The following ATP8B4 variants were observed in gnomAD, a reference collection of about 807,000 sequenced individuals.
The protein encoded by ATP8B4 is ATPase phospholipid transporting 8B4 (putative).
A neutral mutation model predicts 145.6 loss-of-function variants in ATP8B4; 133 were observed. The ratio of observed to expected loss-of-function variants is 0.91; its 90% confidence interval spans 0.79 to 1.05. ATP8B4 has a LOEUF of 1.05. Ranked by LOEUF, ATP8B4 falls within the 50% of genes least tolerant of loss-of-function variation. The pLI, the probability that ATP8B4 is intolerant of heterozygous loss-of-function variation, is 0.00. For synonymous variants in ATP8B4, 507 were observed against 492.9 expected (o/e 1.03, Z -0.38); for missense variants, 1,458 against 1,425.2 (o/e 1.02, Z -0.37).
chr15:49,937,033 C>T (rs1040517440), intron 14 of ATP8B4, among the ~76,000 whole-genome samples: 7 of 151,736 alleles, frequency 4.6e-5, no homozygotes, highest in Non-Finnish European at 1.0e-4. Flanking sequence ...TGCTGATGTT[C>T]GAGTTTTCCA....
At chr15:50,031,568 GTT>G (rs11301413) in intron 6 of ATP8B4, among the ~76,000 whole-genome samples, 5,522 of 151,750 alleles carry the variant, frequency 0.036, 355 homozygotes, top group African/African-American at 0.13. Flanking sequence ...TGATCTTTGG[GTT>G]TTTTTTTGTT....
At chr15:50,100,174 C>T (rs1015268526) in intron 2 of ATP8B4, among the ~76,000 whole-genome samples, 2 of 152,216 alleles carry the variant, frequency 1.3e-5, no homozygotes, top group African/African-American at 2.4e-5. Flanking sequence ...CATCAATGTC[C>T]TATGCTTCCC....
intron 14 of ATP8B4, among the ~76,000 whole-genome samples, chr15:49,946,742 A>C (rs1599337204): frequency 6.6e-6 from 1 of 151,986 alleles, no homozygotes; most frequent in Non-Finnish European, 1.5e-5. Context: ...ATTTCTTATC[A>C]TGGTGGTGTA....
intron 8 of ATP8B4, 138 bp from the exon 9 acceptor site, chr15:49,996,897 CTTCGCTCACTG>C: frequency 1.6e-6 from 1 of 610,108 alleles, no homozygotes; most frequent in Non-Finnish European, 2.9e-6. Flanking sequence ...GTCATTCACA[CTTCGCTCACTG>C]TTTCAGGAAA....
At chr15:49,879,568 G>T in intron 23 of ATP8B4, 109 bp from the exon 24 acceptor site, 1 of 877,896 alleles carries the variant, frequency 1.1e-6, no homozygotes, top group Non-Finnish European at 1.7e-6. Context: ...GTTGACTTTT[G>T]GAATCAGACA....
At chr15:50,176,609 A>T (rs1278775633) in intron 1 of ATP8B4, among the ~76,000 whole-genome samples, 3 of 152,184 alleles carry the variant, frequency 2.0e-5, no homozygotes, top group Non-Finnish European at 4.4e-5. Context: ...GATGGAGAGT[A>T]TGTGTGTTGC....
chr15:49,878,510 T>A (rs1224630499), intron 24 of ATP8B4, among the ~76,000 whole-genome samples: 2 of 152,204 alleles, frequency 1.3e-5, no homozygotes, highest in Admixed American at 6.5e-5. Flanking sequence ...AAATGTGGTC[T>A]CCTTAAAAAT....
intron 17 of ATP8B4, among the ~76,000 whole-genome samples, 185 bp from the exon 18 acceptor site, chr15:49,920,595 G>A (rs781332324): frequency 7.9e-5 from 12 of 152,194 alleles, no homozygotes; most frequent in East Asian, 3.9e-4. Context: ...TGTGTTTTCC[G>A]TTTTATTTCT....
Position 49,862,417 on chromosome 15 carries a change from G to A in ATP8B4, c.3167-42C>T, listed in dbSNP as rs770211315. Reference sequence around the variant, plus strand: ...AAAATATACACTGTGGTTACAAGTAGGACTGAATTATTAATTAATAGGTTC... The same window carrying A: ...AAAATATACACTGTGGTTACAAGTAAGACTGAATTATTAATTAATAGGTTC... On this transcript the variant is annotated intron_variant, in intron 26 of 27. Transcript: ENST00000284509. The A allele has an allele frequency of 5.0e-6, 8 of 1,584,202 alleles. No homozygotes were observed. The South Asian group carries it at 9.1e-5, about 18-fold the overall frequency.
chr15:50,084,890 T>C lies in ATP8B4; in HGVS notation c.29-10705A>G, dbSNP rs1006178773. On this transcript the variant is annotated intron_variant, in intron 2 of 27. Transcript: ENST00000284509. ...GCAAATTACACTGGGCCTACCTCCA[T>C]CATTCAGGATATTCTCACCACCCTC... 5.9e-5 allele frequency among the ~76,000 whole-genome samples: 9 copies of C among 152,172 alleles called. 1 individual carries two copies. The highest frequency in any genetic ancestry group is 5.9e-4 in the Admixed American group (9 of 15,270).
At chr15:50,030,780 C>A (rs2050374571) in intron 6 of ATP8B4, among the ~76,000 whole-genome samples, 1 of 152,144 alleles carries the variant, frequency 6.6e-6, no homozygotes, top group Non-Finnish European at 1.5e-5. Flanking sequence ...CACTGGAAAC[C>A]CATGTGCAGA....
intron 1 of ATP8B4, among the ~76,000 whole-genome samples, chr15:50,141,206 TC>T (rs1361784944): frequency 1.3e-5 from 2 of 152,114 alleles, no homozygotes; most frequent in Admixed American, 1.3e-4. Flanking sequence ...CTTTTCCTCT[TC>T]CTGTTTGGCT....
intron 6 of ATP8B4, among the ~76,000 whole-genome samples, chr15:50,034,732 T>C (rs899968759): frequency 1.3e-5 from 2 of 152,140 alleles, no homozygotes; most frequent in Non-Finnish European, 2.9e-5. Context: ...TTTTAACTCC[T>C]CCAAGTGATT....
chr15:50,107,032 T>A (rs1595573498), intron 1 of ATP8B4, 24 bp from the exon 2 acceptor site: 4 of 1,445,222 alleles, frequency 2.8e-6, no homozygotes, highest in Admixed American at 4.8e-5. Context: ...GTATGCATAT[T>A]AGTATCTGAA....
At chr15:50,104,064 C>T (rs182684702) in intron 2 of ATP8B4, among the ~76,000 whole-genome samples, 1 of 152,190 alleles carries the variant, frequency 6.6e-6, no homozygotes, top group Non-Finnish European at 1.5e-5. Context: ...CATCTCTCAC[C>T]TTATACAAAA....
intron 25 of ATP8B4, among the ~76,000 whole-genome samples, chr15:49,871,862 CT>C (rs2033714347): frequency 1.3e-5 from 2 of 152,090 alleles, no homozygotes; most frequent in Non-Finnish European, 1.5e-5. Flanking sequence ...GTTTTAGGCC[CT>C]CAAGCACTCA....
chr15:49,976,896 A>C (rs2045715393), intron 12 of ATP8B4, among the ~76,000 whole-genome samples: 1 of 152,128 alleles, frequency 6.6e-6, no homozygotes, highest in Admixed American at 6.6e-5. Flanking sequence ...AGAGCTTATA[A>C]TTTCACCCAG....
intron 1 of ATP8B4, among the ~76,000 whole-genome samples, chr15:50,145,581 C>T (rs1292722424): frequency 6.6e-6 from 1 of 152,122 alleles, no homozygotes; most frequent in Admixed American, 6.5e-5. Context: ...GTGTTACTGC[C>T]ATCTAGTGGA....
At chr15:49,925,314 T>C (rs2153459264) in intron 16 of ATP8B4, among the ~76,000 whole-genome samples, 1 of 152,302 alleles carries the variant, frequency 6.6e-6, no homozygotes, top group East Asian at 1.9e-4. Context: ...TTGTAACATC[T>C]AGTTTAATAA....
Sources: allele counts gnomAD v4.1 joint callset (sites outside exome capture counted in the v4.1 genomes callset), GRCh38; gene constraint gnomAD v4.1.1; transcripts MANE v1.5; gene names NCBI Gene and HGNC (gene_info 2026-07-23, HGNC 2026-07-21).